Variants in ARFGEF2 observed in about 807,000 individuals in gnomAD.
ARFGEF2 encodes the protein brefeldin A-inhibited guanine nucleotide-exchange protein 2.
A neutral mutation model predicts 219.9 loss-of-function variants in ARFGEF2; 74 were observed. The ratio of observed to expected loss-of-function variants is 0.34; its 90% CI spans 0.28 to 0.41. The LOEUF (loss-of-function observed/expected upper bound fraction) is 0.41. Among genes scored for constraint, ARFGEF2 ranks in the 10% least tolerant of loss-of-function variants. ARFGEF2 has a pLI of 1.00. For missense variants in ARFGEF2, 1,743 were observed against 2,218.3 expected (o/e 0.79, Z 4.30); for synonymous variants, 733 against 799.2 (o/e 0.92, Z 1.40).
chr20:49,006,122 C>T (rs982397527), intron 26 of ARFGEF2, among the ~76,000 whole-genome samples: 1 of 151,864 alleles, frequency 6.6e-6, no homozygotes, highest in Non-Finnish European at 1.5e-5. Flanking sequence ...GGTGAAACCC[C>T]GTCTCTACTA....
chr20:48,959,622 C>T (rs1600611154), intron 6 of ARFGEF2, among the ~76,000 whole-genome samples: 1 of 122,248 alleles, frequency 8.2e-6, no homozygotes, highest in East Asian at 2.7e-4. Context: ...TCCTTCCTTC[C>T]ATTTTGAGAC....
intron 1 of ARFGEF2, among the ~76,000 whole-genome samples, chr20:48,932,530 G>T (rs2090919630): frequency 6.6e-6 from 1 of 152,198 alleles, no homozygotes; most frequent in Admixed American, 6.5e-5. Flanking sequence ...GGGGACGCTA[G>T]TACAATCTAA....
chr20:49,031,125 T>C (rs6019601), intron 37 of ARFGEF2, among the ~76,000 whole-genome samples: 54,934 of 151,980 alleles, frequency 0.36, 10,760 homozygotes, highest in African/African-American at 0.53. Flanking sequence ...CAGACATTGA[T>C]TGAGTTCAGC....
Position 49,023,170 on chromosome 20 carries a change from G to A in ARFGEF2, c.4744G>A (p.Val1582Ile). 2 of 1,614,148 alleles carry A rather than the reference G, an allele frequency of 1.2e-6. No homozygotes were observed. The highest frequency in any genetic ancestry group is 1.7e-6 in the Non-Finnish European group (2 of 1,180,020). The change falls in exon 35 of 39, where the codon GTT becomes ATT. Residue 1582 changes from valine to isoleucine, a missense_variant. Val to Ile is a conservative substitution (Grantham distance 29). Transcript: ENST00000371917. ...TSKKEDAEHM[V>I]AAQQDTLDAD... ...CAAAAAGGAGGATGCAGAGCACATG[G>A]TTGCCGCCCAGGTAAGAACAGGAGG...
In ARFGEF2 at chr20:48,953,548, C is replaced by T. The variant is rs2123357958; in HGVS notation, c.604-8C>T. The T allele has an allele frequency of 6.2e-7, 1 of 1,613,092 alleles. No homozygotes were observed. Among genetic ancestry groups the T allele is most frequent in the Non-Finnish European group, 8.5e-7 (1 of 1,179,192 alleles). On this transcript the variant is annotated splice_region_variant and splice_polypyrimidine_tract_variant and intron_variant, in intron 5 of 38. Transcript: ENST00000371917. ...AAAATGCTGTATCCCCCTTTTGTTG[C>T]CTTTTAGTTGCAGGAGGCCAGAGAA...
chr20:48,929,336 G>A (rs935013928), intron 1 of ARFGEF2, among the ~76,000 whole-genome samples: 7 of 152,174 alleles, frequency 4.6e-5, no homozygotes, highest in Admixed American at 3.3e-4. Flanking sequence ...TTTTCCTTCC[G>A]TCCTAGGGAG....
chr20:49,003,676 A>G (rs1452179190), intron 25 of ARFGEF2, among the ~76,000 whole-genome samples: 1 of 152,146 alleles, frequency 6.6e-6, no homozygotes, highest in Non-Finnish European at 1.5e-5. Flanking sequence ...GCTCACTTGG[A>G]GCAGGCCTCT....
intron 1 of ARFGEF2, among the ~76,000 whole-genome samples, chr20:48,925,987 T>G (rs2090874516): frequency 6.6e-6 from 1 of 152,240 alleles, no homozygotes; most frequent in South Asian, 2.1e-4. Context: ...TTATATCTCC[T>G]ATGTACTAAG....
At chr20:48,951,856 A>T (rs558880147) in intron 4 of ARFGEF2, among the ~76,000 whole-genome samples, 3 of 152,218 alleles carry the variant, frequency 2.0e-5, no homozygotes, top group South Asian at 2.1e-4. Flanking sequence ...ATGGTTTGGC[A>T]CAGATAGTAC....
chr20:49,008,707 G>GTTTTTTTT (rs796608906), intron 26 of ARFGEF2, among the ~76,000 whole-genome samples: 1 of 132,428 alleles, frequency 7.6e-6, no homozygotes, highest in African/African-American at 2.8e-5. Flanking sequence ...TCATGTAAAG[G>GTTTTTTTT]TTTTTTTTTT....
intron 9 of ARFGEF2, among the ~76,000 whole-genome samples, 195 bp downstream of exon 9, chr20:48,969,472 C>T (rs538487434): frequency 6.6e-6 from 1 of 152,194 alleles, no homozygotes; most frequent in African/African-American, 2.4e-5. Flanking sequence ...CTCTGTATCC[C>T]CACCAACCAA....
At chr20:48,936,009 C>T (rs2090950519) in intron 1 of ARFGEF2, among the ~76,000 whole-genome samples, 1 of 143,148 alleles carries the variant, frequency 7.0e-6, no homozygotes, top group African/African-American at 2.6e-5. Flanking sequence ...CTCCTCACTT[C>T]CCAGTAGGGG....
At chr20:48,984,042 TA>T (rs573508007) in intron 14 of ARFGEF2, among the ~76,000 whole-genome samples, 497 of 140,150 alleles carry the variant, frequency 3.5e-3, no homozygotes, top group Non-Finnish European at 3.7e-3. Context: ...CCCTGTCTCT[TA>T]AAAAAAAAAA....
chr20:49,012,379 G>A (rs981760330), intron 28 of ARFGEF2, among the ~76,000 whole-genome samples: 39 of 152,280 alleles, frequency 2.6e-4, no homozygotes, highest in African/African-American at 7.7e-4. Flanking sequence ...GAAGCTAGAC[G>A]TTTCTATTTG....
intron 36 of ARFGEF2, among the ~76,000 whole-genome samples, chr20:49,026,244 T>C (rs1313699035): frequency 1.3e-5 from 2 of 151,970 alleles, no homozygotes; most frequent in South Asian, 4.1e-4. Flanking sequence ...GGTGGGAGAA[T>C]CACTTGAGCC....
At chr20:48,993,576 A>G (rs535492727) in intron 21 of ARFGEF2, among the ~76,000 whole-genome samples, 1 of 152,358 alleles carries the variant, frequency 6.6e-6, no homozygotes, top group Admixed American at 6.5e-5. Flanking sequence ...AAGTTCAGTC[A>G]GAAGTTCCCA....
intron 11 of ARFGEF2, 26 bp downstream of exon 11, chr20:48,972,451 C>T: frequency 6.6e-7 from 1 of 1,526,558 alleles, no homozygotes; most frequent in Non-Finnish European, 9.1e-7. Flanking sequence ...GACACTCATC[C>T]ACTGGACTTC....
At chr20:48,970,481 G>T (rs2091219224) in intron 9 of ARFGEF2, among the ~76,000 whole-genome samples, 1 of 148,526 alleles carries the variant, frequency 6.7e-6, no homozygotes, top group Admixed American at 6.7e-5. Context: ...ATGGTGGCAG[G>T]CGCCTGTAAT....
chr20:49,010,151 G>A, intron 26 of ARFGEF2, 81 bp from the exon 27 acceptor site: 3 of 1,520,616 alleles, frequency 2.0e-6, no homozygotes, highest in Non-Finnish European at 2.7e-6. Context: ...TTTAAGTGCT[G>A]CTTCTAAGGG....
Sources: allele counts gnomAD v4.1 joint callset (sites outside exome capture counted in the v4.1 genomes callset), GRCh38; gene constraint gnomAD v4.1.1; transcripts MANE v1.5; gene names NCBI Gene and HGNC (gene_info 2026-07-23, HGNC 2026-07-21).